Variants in ABL2 observed in about 807,000 individuals in gnomAD.
ABL2 encodes the protein tyrosine-protein kinase ABL2.
In ABL2, 49 loss-of-function variants were observed where a neutral mutation model predicts 107.7. The ratio of observed to expected loss-of-function variants is 0.45; its 90% confidence interval spans 0.36 to 0.58. ABL2 has a LOEUF of 0.58. Ranked by LOEUF, ABL2 falls within the 20% of genes least tolerant of loss-of-function variation. ABL2 has a pLI of 0.00. For missense variants in ABL2, 1,245 were observed against 1,457.0 expected, an observed-to-expected ratio of 0.85 and a Z score of 2.37; for synonymous variants, 549 against 548.6, an observed-to-expected ratio of 1.00 and a Z score of -0.01.
At chr1:179,168,687 T>A (rs1659535140) in intron 1 of ABL2, among the ~76,000 whole-genome samples, 1 of 152,184 alleles carries the variant, frequency 6.6e-6, no homozygotes, top group African/African-American at 2.4e-5. Flanking sequence ...CACCACCTGC[T>A]TGTACAGGAC....
At chr1:179,208,315 C>T (rs887939601) in intron 1 of ABL2, among the ~76,000 whole-genome samples, 108 of 152,048 alleles carry the variant, frequency 7.1e-4, no homozygotes, top group African/African-American at 2.5e-3. Context: ...TCCTTCCCCT[C>T]TAATAGTTCC....
chr1:179,110,258 T>G, intron 11 of ABL2, 24 bp downstream of exon 11: 1 of 1,613,670 alleles, frequency 6.2e-7, no homozygotes, highest in Middle Eastern at 1.7e-4. Context: ...TCTATTTTGA[T>G]TCTACCTGCT....
intron 1 of ABL2, among the ~76,000 whole-genome samples, chr1:179,164,732 A>C (rs1195246068): frequency 6.6e-6 from 1 of 152,192 alleles, no homozygotes; most frequent in Admixed American, 6.5e-5. Context: ...TTCCCTTGAG[A>C]CTATGGAAGC....
intron 1 of ABL2, among the ~76,000 whole-genome samples, chr1:179,190,596 G>T (rs1463938801): frequency 6.6e-6 from 1 of 152,002 alleles, no homozygotes; most frequent in African/African-American, 2.4e-5. Context: ...ACAGAGACGT[G>T]GGGGGTGGGG....
At chr1:179,182,038 C>T (rs939591299) in intron 1 of ABL2, among the ~76,000 whole-genome samples, 6 of 150,708 alleles carry the variant, frequency 4.0e-5, no homozygotes, top group African/African-American at 9.8e-5. Context: ...CCTCATGACC[C>T]GCCTGCCTCA....
At chr1:179,154,005 G>A (rs1269621059) in intron 1 of ABL2, among the ~76,000 whole-genome samples, 1 of 152,090 alleles carries the variant, frequency 6.6e-6, no homozygotes, top group Non-Finnish European at 1.5e-5. Flanking sequence ...GATCATTCTA[G>A]AGTCCTCTTT....
Position 179,107,189 on chromosome 1 carries a change from T to G in ABL2, c.*529A>C. ...GTTGTAGCACTCTGATTTGCAGTTC[T>G]TATTACAGCAGCAATGGCCTTGTGG... On this transcript the variant is annotated 3_prime_UTR_variant, in exon 12 of 12. Coordinates refer to ENST00000502732, the MANE Select transcript of ABL2 (RefSeq NM_007314.4). 1 of 234,122 alleles carries G rather than the reference T, an allele frequency of 4.3e-6. No individual in the cohort carries two copies. The highest frequency in any genetic ancestry group is 8.4e-6 in the Non-Finnish European group (1 of 118,646). 14.5% of individuals were successfully genotyped at this position (234,122 alleles called of 1,614,324 possible). A position where few individuals can be genotyped will look rare whatever the true frequency, so the allele number is the denominator to read the frequency against.
intron 1 of ABL2, among the ~76,000 whole-genome samples, chr1:179,154,647 G>A (rs1658571110): frequency 6.6e-6 from 1 of 152,202 alleles, no homozygotes; most frequent in Non-Finnish European, 1.5e-5. Context: ...ACCATGTGCA[G>A]ATTTCATCCT....
At chr1:179,127,898 T>A (rs186149431) in intron 3 of ABL2, among the ~76,000 whole-genome samples, 1 of 151,846 alleles carries the variant, frequency 6.6e-6, no homozygotes, top group Non-Finnish European at 1.5e-5. Flanking sequence ...CCGGGTGTGA[T>A]AGTCTGCATG....
At chr1:179,113,524 G>T (rs190162769) in intron 9 of ABL2, among the ~76,000 whole-genome samples, 129 of 152,314 alleles carry the variant, frequency 8.5e-4, no homozygotes, top group Non-Finnish European at 1.6e-3. Context: ...TTAGGACCAG[G>T]CCTGGTGGCC....
intron 1 of ABL2, among the ~76,000 whole-genome samples, chr1:179,216,504 T>C (rs1458299173): frequency 2.6e-5 from 4 of 152,210 alleles, no homozygotes; most frequent in Non-Finnish European, 4.4e-5. Context: ...TTCTTTTAGA[T>C]AGCAGTTCTG....
At chr1:179,223,619 A>T (rs1448614818) in intron 1 of ABL2, among the ~76,000 whole-genome samples, 1 of 152,128 alleles carries the variant, frequency 6.6e-6, no homozygotes, top group African/African-American at 2.4e-5. Context: ...AGATTTGGAG[A>T]TTAATAAAAA....
At chr1:179,152,144 A>T (rs1438577935) in intron 1 of ABL2, among the ~76,000 whole-genome samples, 1 of 152,226 alleles carries the variant, frequency 6.6e-6, no homozygotes, top group African/African-American at 2.4e-5. Context: ...TCTTCAAACC[A>T]GTACCAAATG....
At chr1:179,170,897 A>G (rs1413846562) in intron 1 of ABL2, among the ~76,000 whole-genome samples, 2 of 152,030 alleles carry the variant, frequency 1.3e-5, no homozygotes, top group Non-Finnish European at 2.9e-5. Context: ...GCTCAGCCTA[A>G]TTTTTGTATT....
Position 179,107,556 on chromosome 1 carries a change from T to G in ABL2, c.*162A>C, listed in dbSNP as rs1653550521. 8.0e-6 allele frequency: 11 copies of G among 1,381,260 alleles called. No homozygotes were observed. Among genetic ancestry groups the G allele is most frequent in the South Asian group, 1.5e-5 (1 of 64,930 alleles). 85.6% of individuals were successfully genotyped at this position (1,381,260 alleles called of 1,614,324 possible). A position where few individuals can be genotyped will look rare whatever the true frequency, so the allele number is the denominator to read the frequency against. ...ACTTATGTGGTTTGCTTCTTATTTT[T>G]GAGATGAAACTGTAAACGTGAGAAC... On this transcript the variant is annotated 3_prime_UTR_variant, in exon 12 of 12. Coordinates refer to ENST00000502732, the MANE Select transcript of ABL2 (RefSeq NM_007314.4).
At chr1:179,229,198 C>CCCCCCCCCCCCCCCCCCCCCCCA in intron 1 of ABL2, 43 bp downstream of exon 1, 8 of 1,360,002 alleles carry the variant, frequency 5.9e-6, no homozygotes, top group East Asian at 3.1e-5. Flanking sequence ...ACCCCACCCC[C>CCCCCCCCCCCCCCCCCCCCCCCA]GGCCTCCCCC....
In ABL2 at chr1:179,119,260, G is replaced by A. The variant is rs534788054; in HGVS notation, c.1046-496C>T. Among the ~76,000 whole-genome samples, 5 of 152,180 alleles carry A rather than the reference G, an allele frequency of 3.3e-5. No homozygotes were observed. In the South Asian group the frequency reaches 6.2e-4, roughly 19 times the overall value. ...GATTCCTTATAAAAAACCAACAAGA[G>A]GCCGGGTGCAGTGGCTCATGCCTGT... On this transcript the variant is annotated intron_variant, in intron 6 of 11. Transcript: ENST00000502732.
intron 8 of ABL2, among the ~76,000 whole-genome samples, chr1:179,116,381 A>G (rs1419725599): frequency 6.6e-6 from 1 of 152,212 alleles, no homozygotes; most frequent in East Asian, 1.9e-4. Flanking sequence ...TCTCAAAAAT[A>G]AAAACAAAAA....
chr1:179,198,245 G>A (rs1661437885), intron 1 of ABL2, among the ~76,000 whole-genome samples: 1 of 151,292 alleles, frequency 6.6e-6, no homozygotes, highest in Admixed American at 6.6e-5. Context: ...GGAAAAGGAA[G>A]GAAAGGTAAA....
Sources: allele counts gnomAD v4.1 joint callset (sites outside exome capture counted in the v4.1 genomes callset), GRCh38; gene constraint gnomAD v4.1.1; transcripts MANE v1.5; gene names NCBI Gene and HGNC (gene_info 2026-07-23, HGNC 2026-07-21).